WDR44: variants seen among roughly 807,000 people sequenced by gnomAD.
WDR44 encodes WD repeat domain 44.
Under a neutral mutation model 65.7 loss-of-function variants are expected in WDR44, and 9 were observed. The observed-to-expected ratio is 0.14, with a 90% CI of 0.08 to 0.24. The LOEUF is 0.24. WDR44 is among the 10% of genes least tolerant of loss of function. The probability of loss-of-function intolerance (pLI) is 1.00; values close to 1 mark genes in which losing one functional copy is unlikely to be tolerated. For missense variants in WDR44, 425 were observed against 670.9 expected, an observed-to-expected ratio of 0.63 and a Z score of 4.05; for synonymous variants, 220 against 235.2, an observed-to-expected ratio of 0.94 and a Z score of 0.59.
At chrX:118,411,371 TTAA>T (rs1394903088) in intron 12 of WDR44, among the ~76,000 whole-genome samples, 8 of 112,302 alleles carry the variant, frequency 7.1e-5, no homozygotes, top group Non-Finnish European at 1.5e-4. Context: ...ATAAGGTATC[TTAA>T]TGATTTTCAT....
intron 1 of WDR44, among the ~76,000 whole-genome samples, chrX:118,362,398 A>G (rs1447806071): frequency 2.7e-5 from 3 of 111,678 alleles, no homozygotes; most frequent in Non-Finnish European, 3.8e-5. Flanking sequence ...TTGACTGAGG[A>G]CAGTTTCAGT....
chrX:118,442,490 AAC>A, intron 16 of WDR44, 73 bp from the exon 17 acceptor site: 1 of 1,012,463 alleles, frequency 9.9e-7, no homozygotes, highest in African/African-American at 1.9e-5. Flanking sequence ...GTATGTGTGT[AAC>A]ACCCTTTTTG....
intron 12 of WDR44, among the ~76,000 whole-genome samples, chrX:118,417,768 C>T (rs2057069607): frequency 8.9e-6 from 1 of 111,993 alleles, no homozygotes; most frequent in African/African-American, 3.2e-5. Context: ...ATTATTCCCC[C>T]AAATATGTTT....
chrX:118,399,220 T>C (rs1466721837), intron 8 of WDR44, among the ~76,000 whole-genome samples: 1 of 112,310 alleles, frequency 8.9e-6, no homozygotes, highest in Non-Finnish European at 1.9e-5. Context: ...TTAAACTGTT[T>C]TCAGACAAAT....
In WDR44 at chrX:118,441,532, T is replaced by C. The variant is rs761514606; in HGVS notation, c.2139T>C (p.Asp713=). Residue 713 remains aspartate, a synonymous_variant, in exon 15 of 20, where the codon GAT becomes GAC. Transcript: ENST00000254029. The stretch of plus-strand genomic sequence containing the variant: ...AATATGCAGTGATTGGGACATATGA[T>C]GGCAGATGTATTTTCTATGATACAG... ...NGKYAVIGTY[D]GRCIFYDTEH... is the part of the protein sequence containing the mutation. The C allele has an allele frequency of 6.5e-5, 78 of 1,206,756 alleles. No individual in the cohort carries two copies. In the Admixed American group the frequency reaches 1.7e-3, roughly 26 times the overall value.
intron 1 of WDR44, among the ~76,000 whole-genome samples, chrX:118,371,571 G>T (rs771369678): frequency 1.8e-5 from 2 of 111,464 alleles, no homozygotes; most frequent in Non-Finnish European, 3.8e-5. Flanking sequence ...TTTTGTTTCT[G>T]CTGTTAGGTG....
Position 118,449,869 on chromosome X carries a change from C to A in WDR44, c.*882C>A, listed in dbSNP as rs2057375920. The A allele has an allele frequency of 8.9e-6, 1 of 111,907 alleles. No homozygotes were observed. The highest frequency in any genetic ancestry group is 3.7e-4 in the South Asian group (1 of 2,701). 9.2% of individuals were successfully genotyped at this position (111,907 alleles called of 1,213,427 possible). ...TGTACCAATGAAATAACATCTGGGGCAATGAAACCCTGATCATGTTGTTGA... is the reference window on the plus strand; with the variant it reads ...TGTACCAATGAAATAACATCTGGGGAAATGAAACCCTGATCATGTTGTTGA... On this transcript the variant is annotated 3_prime_UTR_variant, in exon 20 of 20. Coordinates refer to ENST00000254029, the MANE Select transcript of WDR44 (RefSeq NM_019045.5).
At chrX:118,407,557 G>A (rs922724680) in intron 10 of WDR44, among the ~76,000 whole-genome samples, 1 of 110,837 alleles carries the variant, frequency 9.0e-6, no homozygotes, top group Non-Finnish European at 1.9e-5. Context: ...CTCTCAGGCT[G>A]TATCACTAAG....
intron 1 of WDR44, among the ~76,000 whole-genome samples, chrX:118,365,301 A>G (rs1208149282): frequency 9.0e-6 from 1 of 111,400 alleles, no homozygotes; most frequent in Non-Finnish European, 1.9e-5. Flanking sequence ...ATTTATCCCT[A>G]CTACATTTCA....
At chrX:118,374,617 GAT>G (rs1325837201) in intron 1 of WDR44, among the ~76,000 whole-genome samples, 1 of 111,713 alleles carries the variant, frequency 9.0e-6, no homozygotes, top group African/African-American at 3.3e-5. Flanking sequence ...AGCTCAATAT[GAT>G]ATAGCTTTTT....
intron 1 of WDR44, among the ~76,000 whole-genome samples, chrX:118,364,903 A>T (rs993472776): frequency 8.9e-6 from 1 of 112,448 alleles, no homozygotes; most frequent in Admixed American, 9.4e-5. Flanking sequence ...GTTCTGCTGC[A>T]TAATGCTTCA....
chrX:118,414,682 G>T (rs1276551550), intron 12 of WDR44, among the ~76,000 whole-genome samples: 1 of 111,621 alleles, frequency 9.0e-6, no homozygotes, highest in Non-Finnish European at 1.9e-5. Flanking sequence ...TCTTCGCTTG[G>T]TTGCTGTTGG....
At chrX:118,352,339 TA>T (rs1569354354) in intron 1 of WDR44, among the ~76,000 whole-genome samples, 78 of 21,664 alleles carry the variant, frequency 3.6e-3, no homozygotes, top group African/African-American at 0.027. Context: ...TATATATATA[TA>T]TATATATATA....
chrX:118,377,862 G>C (rs542461911), intron 1 of WDR44, among the ~76,000 whole-genome samples: 1 of 108,499 alleles, frequency 9.2e-6, no homozygotes, highest in South Asian at 4.1e-4. Flanking sequence ...TAGGTAGCTG[G>C]GTCTACAGGC....
rs780021377 is a variant in WDR44, at chrX:118,347,012, C to T, written c.77+432C>T. 3.6e-5 allele frequency among the ~76,000 whole-genome samples: 4 copies of T among 111,941 alleles called. No individual in the cohort carries two copies. The South Asian group carries it at 1.5e-3, about 42-fold the overall frequency. The stretch of plus-strand genomic sequence containing the variant: ...TAGTTTTTTATTCTCCCGTTTACCG[C>T]TAACTTACCTATTCACTTCAGAGGT... On this transcript the variant is annotated intron_variant, in intron 1 of 19. Coordinates refer to ENST00000254029, the MANE Select transcript of WDR44 (RefSeq NM_019045.5).
chrX:118,415,240 G>A (rs1292376262), intron 12 of WDR44, among the ~76,000 whole-genome samples: 2 of 111,742 alleles, frequency 1.8e-5, no homozygotes, highest in Admixed American at 1.9e-4. Flanking sequence ...ACTTGAACTG[G>A]GTGGATTATC....
At chrX:118,392,577 C>T in intron 3 of WDR44, 55 bp from the exon 4 acceptor site, 1 of 1,014,888 alleles carries the variant, frequency 9.9e-7, no homozygotes, top group Non-Finnish European at 1.3e-6. Context: ...TTAGCTGTTA[C>T]TGTGTTCTTA....
chrX:118,447,032 A>ATTTTTTTTTTTTTTTTT, intron 19 of WDR44: 4 of 276,358 alleles, frequency 1.4e-5, no homozygotes, highest in Non-Finnish European at 2.7e-5. Flanking sequence ...TGCCTGGCTA[A>ATTTTTTTTTTTTTTTTT]TTTTTTTTTT....
intron 9 of WDR44, among the ~76,000 whole-genome samples, chrX:118,405,370 C>T (rs766668159): frequency 3.8e-4 from 41 of 106,921 alleles, no homozygotes; most frequent in Non-Finnish European, 2.7e-4. Context: ...GATGGAGTCT[C>T]GCTCTGTCAC....
Sources: gnomAD v4.1 joint callset for allele counts (sites outside exome capture counted in the v4.1 genomes callset) on GRCh38, gnomAD v4.1.1 for gene constraint, MANE v1.5 for transcripts, NCBI Gene and HGNC (gene_info 2026-07-23, HGNC 2026-07-21) for gene names.